RASEF: variants seen among roughly 807,000 people sequenced by gnomAD.
RASEF encodes ras and EF-hand domain-containing protein.
RASEF carries 68 observed loss-of-function variants against 90.1 expected under a neutral mutation model. That is an observed-to-expected ratio of 0.75 (90% CI 0.62 to 0.92). The LOEUF is 0.92. Ranked by LOEUF, RASEF falls within the 40% of genes least tolerant of loss-of-function variation. The pLI is 0.00. For synonymous variants in RASEF, 331 were observed against 345.2 expected, an observed-to-expected ratio of 0.96 and a Z score of 0.46; for missense variants, 949 against 937.2, an observed-to-expected ratio of 1.01 and a Z score of -0.16.
chr9:83,046,540 A>C (rs1274320017), intron 1 of RASEF, among the ~76,000 whole-genome samples: 1 of 152,190 alleles, frequency 6.6e-6, no homozygotes, highest in East Asian at 1.9e-4. Context: ...ATACCAAGAG[A>C]TCCCCAAGGA....
At chr9:82,993,563 T>A (rs1828854547) in intron 14 of RASEF, among the ~76,000 whole-genome samples, 1 of 152,198 alleles carries the variant, frequency 6.6e-6, no homozygotes, top group African/African-American at 2.4e-5. Context: ...TCAACTATAA[T>A]GAAACAAAAA....
intron 1 of RASEF, among the ~76,000 whole-genome samples, chr9:83,035,696 T>C (rs1284134958): frequency 6.6e-6 from 1 of 152,172 alleles, no homozygotes; most frequent in African/African-American, 2.4e-5. Flanking sequence ...TTAGCGCAAG[T>C]AGGTATATTA....
At position 83,009,686 on chromosome 9, in the gene RASEF, T is replaced by A; in HGVS notation, c.914A>T (p.Asp305Val). Reference sequence around the variant, plus strand: ...ATCAGCATAATCACTTTTCAAAGCATCTAACTCACTCTGAAGAAAGGCTAT... The same window carrying A: ...ATCAGCATAATCACTTTTCAAAGCAACTAACTCACTCTGAAGAAAGGCTAT... Reference protein sequence around the residue: ...TNIAFLQSELDALKSDYADQS... With the variant: ...TNIAFLQSELVALKSDYADQS... The change falls in exon 6 of 17, where the codon GAT (aspartate) becomes GTT (valine). Residue 305 changes from aspartate (D) to valine (V), a missense_variant. Physicochemically the swap from Asp to Val is radical, Grantham distance 152. Around this residue, in one of 3 missense-constraint regions of RASEF, gnomAD observed 656 missense variants for 592.2 expected, o/e 1.11. Transcript: ENST00000376447. The A allele has an allele frequency of 6.2e-7, 1 of 1,613,388 alleles. No homozygotes were observed.
rs1374425990 is a variant in RASEF at position 83,062,564 on chromosome 9, T to G, written c.304A>C (p.Ser102Arg). 1.3e-6 allele frequency: 2 copies of G among 1,595,092 alleles called. No individual in the cohort carries two copies. Among genetic ancestry groups the G allele is most frequent in the African/African-American group, 2.7e-5 (2 of 74,540 alleles). ...VSEAGPETHD[S>R]EEDEGDEDAA... Reference sequence around the variant, plus strand: ...TCCTCGTCGCCTTCGTCCTCCTCGCTGTCGTGTGTCTCCGGCCCCGCCTCA... The same window carrying G: ...TCCTCGTCGCCTTCGTCCTCCTCGCGGTCGTGTGTCTCCGGCCCCGCCTCA... The change falls in exon 1 of 17, where the codon AGC (serine) becomes CGC (arginine). Residue 102 changes from serine to arginine, a missense_variant. Physicochemically the swap from Ser to Arg is moderately radical, Grantham distance 110. This residue lies in a region of RASEF where 656 missense variants were observed against 592.2 expected (regional missense o/e 1.11). Coordinates refer to ENST00000376447, the MANE Select transcript of RASEF (RefSeq NM_152573.4).
the RASEF span, among the ~76,000 whole-genome samples, chr9:83,217,339 T>C: frequency 9.2e-5 from 14 of 152,254 alleles, no homozygotes; most frequent in South Asian, 2.9e-3. Context: ...TTTGGGAGAC[T>C]GTTGGGAAGG....
chr9:83,196,357 G>GCT, the RASEF span, among the ~76,000 whole-genome samples: 1 of 152,040 alleles, frequency 6.6e-6, no homozygotes, highest in Admixed American at 6.6e-5. Flanking sequence ...CTGTCATGTA[G>GCT]GTCTTAGAAC....
At chr9:83,089,700 T>C in the RASEF span, among the ~76,000 whole-genome samples, 3 of 152,196 alleles carry the variant, frequency 2.0e-5, no homozygotes, top group Non-Finnish European at 4.4e-5. Flanking sequence ...GGTTTCAAGA[T>C]TCTTTGTCTT....
At chr9:83,186,028 A>G in the RASEF span, among the ~76,000 whole-genome samples, 16,522 of 152,108 alleles carry the variant, frequency 0.11, 1,390 homozygotes, top group East Asian at 0.33. Flanking sequence ...TTCCCTTTCA[A>G]CTGAGTTGAG....
At chr9:83,060,135 G>A (rs987661012) in intron 1 of RASEF, among the ~76,000 whole-genome samples, 1 of 152,004 alleles carries the variant, frequency 6.6e-6, no homozygotes, top group Non-Finnish European at 1.5e-5. Context: ...ATAGCCCTGG[G>A]GCAGACTGTC....
chr9:83,168,589 A>C, the RASEF span, among the ~76,000 whole-genome samples: 1 of 152,202 alleles, frequency 6.6e-6, no homozygotes, highest in Admixed American at 6.5e-5. Context: ...TAACCAGAAT[A>C]TATAAGGAAC....
chr9:83,055,616 A>G, intron 1 of RASEF: 1 of 718,106 alleles, frequency 1.4e-6, no homozygotes, highest in Non-Finnish European at 2.6e-6. Flanking sequence ...TTAGCCCATG[A>G]CAATGCACAC....
chr9:83,087,405 T>TCTC, the RASEF span, among the ~76,000 whole-genome samples: 1 of 115,532 alleles, frequency 8.7e-6, no homozygotes, highest in Non-Finnish European at 1.8e-5. Context: ...TTCTCATTCA[T>TCTC]TCTCTCTCTC....
At chr9:83,215,044 C>T in the RASEF span, among the ~76,000 whole-genome samples, 1 of 151,474 alleles carries the variant, frequency 6.6e-6, no homozygotes, top group African/African-American at 2.4e-5. Flanking sequence ...AGAAAGACAG[C>T]AAATGATGTG....
chr9:82,990,289 G>T, intron 16 of RASEF, 102 bp downstream of exon 16: 1 of 749,214 alleles, frequency 1.3e-6, no homozygotes, highest in East Asian at 2.7e-5. Context: ...ACAGATAAGA[G>T]AGTGTTTTCC....
the RASEF span, among the ~76,000 whole-genome samples, chr9:83,070,733 TTAA>T: frequency 6.6e-6 from 1 of 152,156 alleles, no homozygotes; most frequent in Non-Finnish European, 1.5e-5. Context: ...AACTGATATC[TTAA>T]TAATATTGAA....
the RASEF span, among the ~76,000 whole-genome samples, chr9:83,083,055 C>T: frequency 1.3e-5 from 2 of 152,120 alleles, no homozygotes; most frequent in African/African-American, 4.8e-5. Context: ...CTATTTTTTC[C>T]ATTCAGATCC....
the RASEF span, among the ~76,000 whole-genome samples, chr9:83,090,828 G>C: frequency 6.6e-6 from 1 of 151,880 alleles, no homozygotes. Context: ...GCTGCTTTTA[G>C]TTTTTACTGT....
At chr9:83,066,967 G>A (rs1280933459), upstream of RASEF, among the ~76,000 whole-genome samples, 1 of 152,182 alleles carries the variant, frequency 6.6e-6, no homozygotes, top group East Asian at 1.9e-4. Context: ...CTAGGGTGGT[G>A]AGTCATGAGA....
chr9:83,014,524 C>T (rs1045974277), intron 4 of RASEF, among the ~76,000 whole-genome samples: 1 of 152,070 alleles, frequency 6.6e-6, no homozygotes, highest in Non-Finnish European at 1.5e-5. Context: ...AACTATGTCA[C>T]CCAGGCTGGT....
Sources: gnomAD v4.1 joint callset for allele counts (sites outside exome capture counted in the v4.1 genomes callset) on GRCh38, gnomAD v4.1.1 for gene constraint, gnomAD v4.1.1 regional missense constraint, MANE v1.5 for transcripts, NCBI Gene and HGNC (gene_info 2026-07-23, HGNC 2026-07-21) for gene names.